The following RYK variants were observed in gnomAD, a reference collection of about 807,000 sequenced individuals.
RYK encodes receptor like tyrosine kinase.
RYK carries 21 observed loss-of-function variants against 70.2 expected under a neutral mutation model. That is an observed-to-expected ratio of 0.30 (90% CI 0.21 to 0.43). The LOEUF is 0.43. RYK is among the 20% of genes least tolerant of loss of function. The pLI is 1.00. For synonymous variants in RYK, 267 were observed against 278.0 expected (o/e 0.96, Z 0.39); for missense variants, 604 against 753.3 (o/e 0.80, Z 2.32).
intron 13 of RYK, chr3:134,170,687 A>C (rs142837448): frequency 6.6e-6 from 1 of 152,516 alleles, no homozygotes; most frequent in African/African-American, 2.4e-5. Flanking sequence ...AAGTAGATAA[A>C]ATATGCTATG....
chr3:134,178,631 C>CT (rs5852776), intron 10 of RYK: 148,666 of 152,274 alleles, frequency 0.98, 72,665 homozygotes, highest in East Asian at 1. Context: ...GAGTGACCAT[C>CT]TTCTCTTGGC....
chr3:134,220,148 C>A (rs917050149), intron 2 of RYK, among the ~76,000 whole-genome samples: 1 of 152,058 alleles, frequency 6.6e-6, no homozygotes, highest in Admixed American at 6.5e-5. Flanking sequence ...AACTGAGGGG[C>A]ATTCTACAAA....
intron 2 of RYK, among the ~76,000 whole-genome samples, chr3:134,220,669 C>CAT (rs1367570787): frequency 6.6e-6 from 1 of 152,144 alleles, no homozygotes. Context: ...CATACACACA[C>CAT]ATATATATGT....
intron 13 of RYK, among the ~76,000 whole-genome samples, chr3:134,172,095 A>G (rs1182257337): frequency 1.3e-5 from 2 of 152,216 alleles, no homozygotes; most frequent in East Asian, 1.9e-4. Context: ...CACAACAGCC[A>G]TATCATTTCA....
chr3:134,220,924 C>A (rs2014715076), intron 2 of RYK, among the ~76,000 whole-genome samples: 2 of 152,060 alleles, frequency 1.3e-5, no homozygotes, highest in Non-Finnish European at 2.9e-5. Context: ...TATTAAAAAT[C>A]CATGTGTCCC....
At chr3:134,189,676 G>C (rs1169359038) in intron 8 of RYK, among the ~76,000 whole-genome samples, 5 of 149,276 alleles carry the variant, frequency 3.3e-5, no homozygotes, top group Admixed American at 2.0e-4. Flanking sequence ...CCGGGAGGTG[G>C]AGCCTGCAGT....
intron 5 of RYK, among the ~76,000 whole-genome samples, chr3:134,204,083 C>T (rs1245877897): frequency 6.6e-6 from 1 of 152,124 alleles, no homozygotes; most frequent in Non-Finnish European, 1.5e-5. Context: ...ACAGAAGGGT[C>T]CACAAGTTTA....
chr3:134,222,388 CATG>C, intron 2 of RYK, 27 bp downstream of exon 2: 1 of 1,611,790 alleles, frequency 6.2e-7, no homozygotes, highest in South Asian at 1.1e-5. Flanking sequence ...GTGACCCTGT[CATG>C]ATGTCTGTGG....
At chr3:134,188,167 A>AT (rs57894961) in intron 9 of RYK, among the ~76,000 whole-genome samples, 17,366 of 129,932 alleles carry the variant, frequency 0.13, 1,304 homozygotes, top group Middle Eastern at 0.19. Flanking sequence ...ATATATATAT[A>AT]TTTTTTTTTT....
chr3:134,221,877 T>C (rs1191032024), intron 2 of RYK, among the ~76,000 whole-genome samples: 1 of 152,158 alleles, frequency 6.6e-6, no homozygotes, highest in Non-Finnish European at 1.5e-5. Context: ...AGAGGCAATG[T>C]GAAGAATTCA....
intron 13 of RYK, chr3:134,171,056 G>C (rs540292371): frequency 1.6e-4 from 25 of 152,500 alleles, no homozygotes; most frequent in African/African-American, 5.8e-4. Flanking sequence ...AGATGACGAG[G>C]AGGAAGAGGC....
chr3:134,158,314 A>C, intron 14 of RYK, 50 bp from the exon 15 acceptor site: 1 of 1,240,720 alleles, frequency 8.1e-7, no homozygotes, highest in East Asian at 2.7e-5. Flanking sequence ...TACAGTATTC[A>C]TAACTTTTGC....
chr3:134,209,330 G>A (rs1042491091), intron 4 of RYK, among the ~76,000 whole-genome samples: 2 of 152,228 alleles, frequency 1.3e-5, no homozygotes, highest in African/African-American at 2.4e-5. Flanking sequence ...TATCTCACCC[G>A]AGAGCAATGC....
At chr3:134,221,665 T>A (rs1212069197) in intron 2 of RYK, among the ~76,000 whole-genome samples, 1 of 151,814 alleles carries the variant, frequency 6.6e-6, no homozygotes, top group African/African-American at 2.4e-5. Flanking sequence ...TCTATAATAC[T>A]TTTTTTAAAA....
intron 1 of RYK, among the ~76,000 whole-genome samples, chr3:134,240,063 T>C (rs750519208): frequency 1.2e-4 from 19 of 152,234 alleles, no homozygotes; most frequent in Non-Finnish European, 2.5e-4. Context: ...TCTCTACATA[T>C]ACATTTACAT....
chr3:134,222,103 G>C (rs947589230), intron 2 of RYK, among the ~76,000 whole-genome samples: 7 of 152,134 alleles, frequency 4.6e-5, no homozygotes, highest in African/African-American at 1.2e-4. Flanking sequence ...CACCACAGCA[G>C]CACAGGCATT....
At chr3:134,186,840 T>C (rs1313600972) in intron 9 of RYK, among the ~76,000 whole-genome samples, 4 of 152,056 alleles carry the variant, frequency 2.6e-5, no homozygotes, top group Non-Finnish European at 5.9e-5. Context: ...ACACAGTCTA[T>C]AGAATACTTA....
At chr3:134,191,532 T>C (rs1401694988) in intron 8 of RYK, among the ~76,000 whole-genome samples, 2 of 152,148 alleles carry the variant, frequency 1.3e-5, no homozygotes, top group African/African-American at 4.8e-5. Flanking sequence ...AGAAAGTAAC[T>C]TAGACTATCT....
intron 6 of RYK, among the ~76,000 whole-genome samples, chr3:134,198,649 T>C (rs1442092088): frequency 6.6e-6 from 1 of 152,106 alleles, no homozygotes; most frequent in Non-Finnish European, 1.5e-5. Flanking sequence ...AGTCAATCAA[T>C]GAACAGAGAA....
Sources: gnomAD v4.1 joint callset for allele counts (sites outside exome capture counted in the v4.1 genomes callset) on GRCh38, gnomAD v4.1.1 for gene constraint, MANE v1.5 for transcripts, NCBI Gene and HGNC (gene_info 2026-07-23, HGNC 2026-07-21) for gene names.